LHFPL6: variants seen among roughly 807,000 people sequenced by gnomAD.
LHFPL6 encodes the protein LHFPL tetraspan subfamily member 6 protein.
Under a neutral mutation model 20.6 loss-of-function variants are expected in LHFPL6, and 9 were observed. That is an observed-to-expected ratio of 0.44 (90% CI 0.26 to 0.76). The LOEUF is 0.76. Ranked by LOEUF, LHFPL6 falls within the 30% of genes least tolerant of loss-of-function variation. The pLI is 0.20. For synonymous variants in LHFPL6, 105 were observed against 98.7 expected, an observed-to-expected ratio of 1.06 and a Z score of -0.38; for missense variants, 218 against 253.5, an observed-to-expected ratio of 0.86 and a Z score of 0.95.
At chr13:39,417,330 T>C (rs1871374333) in intron 2 of LHFPL6, among the ~76,000 whole-genome samples, 1 of 152,166 alleles carries the variant, frequency 6.6e-6, no homozygotes, top group South Asian at 2.1e-4. Context: ...CTAAATTAGG[T>C]CACACCAGCT....
intron 2 of LHFPL6, among the ~76,000 whole-genome samples, chr13:39,450,804 A>C (rs1872423775): frequency 6.6e-6 from 1 of 152,210 alleles, no homozygotes; most frequent in African/African-American, 2.4e-5. Flanking sequence ...GATATGTATA[A>C]TATTCCCATA....
rs527261987 is a variant in LHFPL6, at chr13:39,373,784, C to A, written c.484+4644G>T. Reference sequence around the variant, plus strand: ...CTAACAAACATGAGAAAATGTTCAACATCACTAATTATCAAAGAAATGGAA... The same window carrying A: ...CTAACAAACATGAGAAAATGTTCAAAATCACTAATTATCAAAGAAATGGAA... On this transcript the variant is annotated intron_variant, in intron 3 of 3. Coordinates refer to ENST00000379589, the MANE Select transcript of LHFPL6 (RefSeq NM_005780.3). Among the ~76,000 whole-genome samples, 4 of 152,278 alleles carry A rather than the reference C, an allele frequency of 2.6e-5. No individual in the cohort carries two copies. In the South Asian group the frequency reaches 6.2e-4, roughly 24 times the overall value.
intron 2 of LHFPL6, among the ~76,000 whole-genome samples, chr13:39,594,016 G>A (rs1343215998): frequency 1.3e-5 from 2 of 149,528 alleles, no homozygotes; most frequent in Non-Finnish European, 3.0e-5. Context: ...AAAAACCCTA[G>A]AAGAAAACTT....
rs574097927 is a variant in LHFPL6 at position 39,401,973 on chromosome 13, G to A, written c.386-23447C>T. Among the ~76,000 whole-genome samples, 135 of 152,188 alleles carry A rather than the reference G, an allele frequency of 8.9e-4. 1 individual carries two copies. Among genetic ancestry groups the A allele is most frequent in the African/African-American group, 2.7e-3 (114 of 41,514 alleles). On this transcript the variant is annotated intron_variant, in intron 2 of 3. Transcript: ENST00000379589. ...TAGTACTTTTAGACAGATGTATACCGTCCGATATGGTAACCACTAACCACA... is the reference window on the plus strand; with the variant it reads ...TAGTACTTTTAGACAGATGTATACCATCCGATATGGTAACCACTAACCACA...
chr13:39,440,131 T>A (rs1164873252), intron 2 of LHFPL6, among the ~76,000 whole-genome samples: 1 of 152,198 alleles, frequency 6.6e-6, no homozygotes, highest in Non-Finnish European at 1.5e-5. Flanking sequence ...CACATAACTG[T>A]AGCTCAGATG....
At chr13:39,372,702 CCTTT>C in intron 3 of LHFPL6, among the ~76,000 whole-genome samples, 1 of 152,346 alleles carries the variant, frequency 6.6e-6, no homozygotes, top group South Asian at 2.1e-4. Flanking sequence ...CTCCAATTCT[CCTTT>C]CTAAGGAAAA....
rs968665606 is a variant in LHFPL6, at chr13:39,356,452, A to G, written c.485-12398T>C. 2.1e-4 allele frequency among the ~76,000 whole-genome samples: 32 copies of G among 152,330 alleles called. 1 individual carries two copies. Among genetic ancestry groups the G allele is most frequent in the Non-Finnish European group, 1.3e-4 (9 of 68,008 alleles). The stretch of plus-strand genomic sequence containing the variant: ...TCTCAAGTTAATAATCTAACATCAT[A>G]TCTGTGGGAAAAGAAAAACTAGAAA... On this transcript the variant is annotated intron_variant, in intron 3 of 3. Coordinates refer to ENST00000379589, the MANE Select transcript of LHFPL6 (RefSeq NM_005780.3).
chr13:39,400,591 G>A (rs916243952), intron 2 of LHFPL6, among the ~76,000 whole-genome samples: 17 of 151,518 alleles, frequency 1.1e-4, no homozygotes, highest in African/African-American at 1.5e-4. Flanking sequence ...AGACCATCCC[G>A]GCTAAAACGG....
intron 2 of LHFPL6, among the ~76,000 whole-genome samples, chr13:39,553,888 C>G (rs9566457): frequency 6.6e-6 from 1 of 152,056 alleles, no homozygotes; most frequent in Non-Finnish European, 1.5e-5. Flanking sequence ...CGATGGCAGA[C>G]AATCAGTGAA....
chr13:39,391,768 C>A (rs1352314278), intron 2 of LHFPL6, among the ~76,000 whole-genome samples: 1 of 152,108 alleles, frequency 6.6e-6, no homozygotes, highest in Non-Finnish European at 1.5e-5. Context: ...TTAAAAGAAA[C>A]AATTCTTTAA....
In LHFPL6 at chr13:39,420,821, G is replaced by A. The variant is rs1396646260; in HGVS notation, c.386-42295C>T. Among the ~76,000 whole-genome samples the A allele has an allele frequency of 2.6e-5, 4 of 152,162 alleles. No homozygotes were observed. The East Asian group carries it at 5.8e-4, about 22-fold the overall frequency. ...AGTAGCAAGATAAAAACTGTTATAA[G>A]TTCTATAGATTGTATTTGCCCAGAA... is the stretch of plus-strand genomic sequence containing the variant. On this transcript the variant is annotated intron_variant, in intron 2 of 3. Transcript: ENST00000379589.
intron 2 of LHFPL6, among the ~76,000 whole-genome samples, chr13:39,517,160 G>C (rs946780619): frequency 2.0e-5 from 3 of 152,130 alleles, no homozygotes; most frequent in Non-Finnish European, 2.9e-5. Flanking sequence ...GACCGTAGGG[G>C]GGTAATGAGA....
intron 2 of LHFPL6, among the ~76,000 whole-genome samples, chr13:39,436,223 A>G (rs1010611034): frequency 6.6e-6 from 1 of 152,198 alleles, no homozygotes; most frequent in Non-Finnish European, 1.5e-5. Flanking sequence ...AGAGGAGTAC[A>G]TGCAGAAAGA....
intron 2 of LHFPL6, among the ~76,000 whole-genome samples, chr13:39,440,734 G>C (rs1225544688): frequency 6.6e-6 from 1 of 152,012 alleles, no homozygotes; most frequent in Non-Finnish European, 1.5e-5. Context: ...ATATGGTTTG[G>C]CTGTGTCCCC....
At chr13:39,568,498 A>G (rs375579440) in intron 2 of LHFPL6, among the ~76,000 whole-genome samples, 97 of 152,308 alleles carry the variant, frequency 6.4e-4, no homozygotes, top group African/African-American at 2.3e-3. Flanking sequence ...AACACCATAT[A>G]TATCTGCCTA....
chr13:39,408,775 T>C (rs1297125127), intron 2 of LHFPL6, among the ~76,000 whole-genome samples: 2 of 152,228 alleles, frequency 1.3e-5, no homozygotes, highest in Non-Finnish European at 2.9e-5. Context: ...CAGATCCAGT[T>C]TGGAGCTTCC....
At chr13:39,541,803 A>G (rs1363802550) in intron 2 of LHFPL6, among the ~76,000 whole-genome samples, 1 of 152,156 alleles carries the variant, frequency 6.6e-6, no homozygotes, top group Admixed American at 6.5e-5. Context: ...TGCATGGGAC[A>G]GGTTGGCTGG....
chr13:39,571,496 C>T (rs1871914155), intron 2 of LHFPL6, among the ~76,000 whole-genome samples: 1 of 152,216 alleles, frequency 6.6e-6, no homozygotes, highest in Non-Finnish European at 1.5e-5. Flanking sequence ...AGATGACCTG[C>T]CCTTCTCTTC....
At position 39,562,383 on chromosome 13, in the gene LHFPL6, C is replaced by T. The variant is rs202165733; in HGVS notation, c.385+38449G>A. On this transcript the variant is annotated intron_variant, in intron 2 of 3. Coordinates refer to ENST00000379589, the MANE Select transcript of LHFPL6 (RefSeq NM_005780.3). ...ATACATATACATATATACATATATA[C>T]ATATACATATATATACATATATACA... Among the ~76,000 whole-genome samples the T allele has an allele frequency of 5.6e-5, 7 of 125,690 alleles. No homozygotes were observed. The East Asian group carries it at 7.7e-4, about 14-fold the overall frequency. 82.5% of individuals were successfully genotyped at this position (125,690 alleles called of 152,430 possible). A position where few individuals can be genotyped will look rare whatever the true frequency, so the allele number is the denominator to read the frequency against.
Sources: gnomAD v4.1 joint callset for allele counts (sites outside exome capture counted in the v4.1 genomes callset) on GRCh38, gnomAD v4.1.1 for gene constraint, MANE v1.5 for transcripts, NCBI Gene and HGNC (gene_info 2026-07-23, HGNC 2026-07-21) for gene names.